PKNOX2: variants seen among roughly 807,000 people sequenced by gnomAD.
PKNOX2 encodes PBX/knotted 1 homeobox 2.
In PKNOX2, 14 loss-of-function variants were observed where a neutral mutation model predicts 53.1. The ratio of observed to expected loss-of-function variants is 0.26; its 90% CI spans 0.17 to 0.41. The LOEUF is 0.41. Among genes scored for constraint, PKNOX2 ranks in the 10% least tolerant of loss-of-function variants. PKNOX2 has a pLI of 1.00. For synonymous variants in PKNOX2, 257 were observed against 242.8 expected (o/e 1.06, Z -0.54); for missense variants, 496 against 602.8 (o/e 0.82, Z 1.85).
In PKNOX2 at chr11:125,351,185, G is replaced by A. The variant is rs1951288586; in HGVS notation, c.-22-99G>A. The A allele has an allele frequency of 7.0e-6, 5 of 718,338 alleles. No homozygotes were observed. In the Admixed American group the frequency reaches 8.0e-5, roughly 12 times the overall value. The allele number at this position is 718,338 out of a possible 1,614,324, so 44.5% of individuals were successfully genotyped here. On this transcript the variant is annotated intron_variant, in intron 3 of 12. Coordinates refer to ENST00000298282, the MANE Select transcript of PKNOX2 (RefSeq NM_001382323.2). ...GTGCAACCCTTGCCGCATCCAGCCG[G>A]CCCAGGTGGCCCAGCGGGGGACACA...
At chr11:125,173,129 A>G (rs1487294764) in intron 1 of PKNOX2, among the ~76,000 whole-genome samples, 1 of 152,160 alleles carries the variant, frequency 6.6e-6, no homozygotes, top group Non-Finnish European at 1.5e-5. Flanking sequence ...TGAGGATAAT[A>G]ATACTACCAA....
rs1015526556 is a variant in PKNOX2, at chr11:125,432,333, A to C, written c.*941A>C. ...GAAGGTGAAACCAGGTTATCTGGGAATCTTTCCAGCCCGCAGGTCGCCACG... is the reference window on the plus strand; with the variant it reads ...GAAGGTGAAACCAGGTTATCTGGGACTCTTTCCAGCCCGCAGGTCGCCACG... On this transcript the variant is annotated 3_prime_UTR_variant, in exon 13 of 13. Coordinates refer to ENST00000298282, the MANE Select transcript of PKNOX2 (RefSeq NM_001382323.2). The C allele has an allele frequency of 1.3e-5, 2 of 152,834 alleles. No homozygotes were observed. The highest frequency in any genetic ancestry group is 2.9e-5 in the Non-Finnish European group (2 of 68,058). The allele number at this position is 152,834 out of a possible 1,614,324, so 9.5% of individuals were successfully genotyped here. A position where few individuals can be genotyped will look rare whatever the true frequency, so the allele number is the denominator to read the frequency against.
At chr11:125,260,109 C>T (rs1944727636) in intron 2 of PKNOX2, among the ~76,000 whole-genome samples, 1 of 151,986 alleles carries the variant, frequency 6.6e-6, no homozygotes, top group Admixed American at 6.6e-5. Flanking sequence ...AATTCCTGGC[C>T]TCAAGTGATC....
chr11:125,304,083 C>A (rs189725498), intron 2 of PKNOX2, among the ~76,000 whole-genome samples: 5 of 146,292 alleles, frequency 3.4e-5, no homozygotes, highest in Middle Eastern at 3.4e-3. Context: ...CTCTGATACC[C>A]GCAGGGAGCT....
Position 125,183,361 on chromosome 11 carries a change from C to T in PKNOX2, c.-201+18585C>T, listed in dbSNP as rs1565463535. On this transcript the variant is annotated intron_variant, in intron 1 of 12. Coordinates refer to ENST00000298282, the MANE Select transcript of PKNOX2 (RefSeq NM_001382323.2). ...CCTCCCGAGTAGCTGGGACTACAGGCGCCCGCCACCGCGCCCGGCTAATTT... is the reference window on the plus strand; with the variant it reads ...CCTCCCGAGTAGCTGGGACTACAGGTGCCCGCCACCGCGCCCGGCTAATTT... Among the ~76,000 whole-genome samples the T allele has an allele frequency of 1.9e-5, 2 of 106,538 alleles. 1 individual carries two copies. The highest frequency in any genetic ancestry group is 5.8e-4 in the South Asian group (2 of 3,440). 69.9% of individuals were successfully genotyped at this position (106,538 alleles called of 152,430 possible). A position where few individuals can be genotyped will look rare whatever the true frequency, so the allele number is the denominator to read the frequency against.
At chr11:125,287,667 G>A (rs964280829) in intron 2 of PKNOX2, 3 of 152,262 alleles carry the variant, frequency 2.0e-5, no homozygotes, top group Admixed American at 2.0e-4. Context: ...GGAGGAAAGG[G>A]GCTGGAAATT....
At chr11:125,210,785 T>A (rs1939746820) in intron 1 of PKNOX2, among the ~76,000 whole-genome samples, 2 of 152,044 alleles carry the variant, frequency 1.3e-5, no homozygotes, top group Admixed American at 6.5e-5. Flanking sequence ...ATCTTCAAAT[T>A]CCACTGGGCA....
intron 7 of PKNOX2, 132 bp from the exon 8 acceptor site, chr11:125,410,063 AC>A: frequency 8.1e-7 from 1 of 1,236,436 alleles, no homozygotes; most frequent in Non-Finnish European, 1.1e-6. Flanking sequence ...TGCCTTCTGG[AC>A]CTGGGTCTGG....
At chr11:125,248,758 C>T (rs1395726673) in intron 2 of PKNOX2, among the ~76,000 whole-genome samples, 1 of 147,694 alleles carries the variant, frequency 6.8e-6, no homozygotes, top group African/African-American at 2.5e-5. Flanking sequence ...AGCCACACTA[C>T]TGTACCAGTA....
In PKNOX2 at chr11:125,351,353, G is replaced by A; in HGVS notation, c.48G>A (p.Thr16=). The A allele has an allele frequency of 3.1e-6, 5 of 1,609,846 alleles. No homozygotes were observed. Among genetic ancestry groups the A allele is most frequent in the Non-Finnish European group, 4.2e-6 (5 of 1,177,664 alleles). Residue 16 remains threonine, a synonymous_variant, in exon 4 of 13, where the codon ACG becomes ACA. Coordinates refer to ENST00000298282, the MANE Select transcript of PKNOX2 (RefSeq NM_001382323.2). ...SPAPALTMMA[T]QNVPPPPYQD... ...CCCCCGCTCTGACGATGATGGCCAC[G>A]CAGAATGTCCCGCCCCCACCCTACC...
intron 6 of PKNOX2, among the ~76,000 whole-genome samples, chr11:125,392,955 G>A (rs774329605): frequency 3.3e-5 from 5 of 151,882 alleles, no homozygotes; most frequent in Admixed American, 2.0e-4. Flanking sequence ...TCAGGAGATC[G>A]AGACTATCCT....
intron 2 of PKNOX2, among the ~76,000 whole-genome samples, chr11:125,323,692 A>T (rs1247684699): frequency 6.6e-6 from 1 of 152,228 alleles, no homozygotes; most frequent in Non-Finnish European, 1.5e-5. Flanking sequence ...CCTGGAAGGC[A>T]TGGAAGGAAA....
chr11:125,423,586 C>T (rs2135653112), intron 10 of PKNOX2, among the ~76,000 whole-genome samples: 1 of 152,308 alleles, frequency 6.6e-6, no homozygotes, highest in African/African-American at 2.4e-5. Flanking sequence ...CTACATGCCA[C>T]ACATTTTTCC....
At chr11:125,329,379 T>A (rs547853016) in intron 2 of PKNOX2, among the ~76,000 whole-genome samples, 12 of 152,386 alleles carry the variant, frequency 7.9e-5, no homozygotes, top group African/African-American at 2.6e-4. Context: ...AAGCATTTGC[T>A]ATTTTTTAAA....
intron 2 of PKNOX2, among the ~76,000 whole-genome samples, chr11:125,275,055 C>T (rs1042655245): frequency 6.6e-6 from 1 of 152,130 alleles, no homozygotes; most frequent in African/African-American, 2.4e-5. Flanking sequence ...GACAAGGGTC[C>T]CTGCCATCAA....
chr11:125,250,458 A>G (rs1267350584), intron 2 of PKNOX2, among the ~76,000 whole-genome samples: 1 of 152,152 alleles, frequency 6.6e-6, no homozygotes, highest in East Asian at 1.9e-4. Context: ...TCTCCTCTGC[A>G]AGAGCTCCGG....
chr11:125,428,814 G>A (rs1368775291), intron 10 of PKNOX2, among the ~76,000 whole-genome samples, 198 bp from the exon 11 acceptor site: 1 of 152,212 alleles, frequency 6.6e-6, no homozygotes, highest in Non-Finnish European at 1.5e-5. Flanking sequence ...GGGATGTGGA[G>A]TCTCGGGCAT....
rs1565499796 is a variant in PKNOX2, at chr11:125,335,577, G to GAAGTCA, written c.-23+3653_-23+3654insAGTCAA. On this transcript the variant is annotated intron_variant, in intron 3 of 12. Transcript: ENST00000298282. ...TTTCATCCAGGCCAGTCTTTGGACT[G>GAAGTCA]AGCACTTATAGTCAAGAACTTAGAG... 2.0e-5 allele frequency among the ~76,000 whole-genome samples: 3 copies of GAAGTCA among 152,192 alleles called. No homozygotes were observed. The East Asian group carries it at 5.8e-4, about 29-fold the overall frequency.
intron 1 of PKNOX2, among the ~76,000 whole-genome samples, chr11:125,174,204 G>A (rs868455259): frequency 3.9e-5 from 6 of 152,094 alleles, no homozygotes; most frequent in South Asian, 2.1e-4. Context: ...TGTATGCCCC[G>A]GGCCCAGGGG....
Sources: allele counts gnomAD v4.1 joint callset (sites outside exome capture counted in the v4.1 genomes callset), GRCh38; gene constraint gnomAD v4.1.1; transcripts MANE v1.5; gene names NCBI Gene and HGNC (gene_info 2026-07-23, HGNC 2026-07-21).